TRHDE: variants seen among roughly 807,000 people sequenced by gnomAD.
TRHDE encodes thyrotropin releasing hormone degrading enzyme.
A neutral mutation model predicts 125.7 loss-of-function variants in TRHDE; 72 were observed. The ratio of observed to expected loss-of-function variants is 0.57; its 90% CI spans 0.47 to 0.70. TRHDE has a LOEUF of 0.70. Among genes scored for constraint, TRHDE ranks in the 30% least tolerant of loss-of-function variants. The pLI, the probability that TRHDE is intolerant of heterozygous loss-of-function variation, is 0.00. For synonymous variants in TRHDE, 509 were observed against 509.1 expected (o/e 1.00, Z 0.00); for missense variants, 1,110 against 1,327.1 (o/e 0.84, Z 2.54).
At chr12:72,215,456 G>C (rs1369108554) in intron 2 of TRHDE, among the ~76,000 whole-genome samples, 1 of 152,204 alleles carries the variant, frequency 6.6e-6, no homozygotes, top group African/African-American at 2.4e-5. Context: ...AGGCCTGACA[G>C]TGCACCCTAT....
intron 2 of TRHDE, among the ~76,000 whole-genome samples, chr12:72,330,171 A>C (rs1456180277): frequency 6.6e-6 from 1 of 152,166 alleles, no homozygotes; most frequent in Non-Finnish European, 1.5e-5. Context: ...GGTAACAGGC[A>C]GTGCCCAAAA....
At chr12:72,496,358 C>T (rs1217302802) in intron 5 of TRHDE, among the ~76,000 whole-genome samples, 1 of 152,162 alleles carries the variant, frequency 6.6e-6, no homozygotes, top group African/African-American at 2.4e-5. Flanking sequence ...AATTGACTCA[C>T]AGTTCCACAT....
intron 3 of TRHDE, among the ~76,000 whole-genome samples, chr12:72,405,064 C>A (rs1406574740): frequency 6.6e-6 from 1 of 152,138 alleles, no homozygotes; most frequent in African/African-American, 2.4e-5. Context: ...ATGATTATTT[C>A]TTGAGTGCCT....
At chr12:72,099,156 T>C (rs1014477365) in intron 1 of TRHDE, among the ~76,000 whole-genome samples, 1 of 142,536 alleles carries the variant, frequency 7.0e-6, no homozygotes, top group Non-Finnish European at 1.5e-5. Flanking sequence ...AGAGTGAGAC[T>C]CTGTCAAGAA....
intron 10 of TRHDE, among the ~76,000 whole-genome samples, chr12:72,569,175 G>C (rs1870602312): frequency 6.6e-6 from 1 of 152,162 alleles, no homozygotes; most frequent in Admixed American, 6.5e-5. Context: ...AGCAGAGAGA[G>C]ATGAGATTCT....
At chr12:72,377,641 C>T (rs1004169951) in intron 2 of TRHDE, among the ~76,000 whole-genome samples, 14 of 152,122 alleles carry the variant, frequency 9.2e-5, no homozygotes, top group Non-Finnish European at 1.8e-4. Flanking sequence ...CATATCCTGC[C>T]TACTTTCAGC....
At chr12:72,183,591 G>A (rs551517651) in intron 2 of TRHDE, among the ~76,000 whole-genome samples, 2 of 152,100 alleles carry the variant, frequency 1.3e-5, no homozygotes, top group Non-Finnish European at 2.9e-5. Context: ...CAAAATAGTC[G>A]AATATTGGTA....
intron 2 of TRHDE, among the ~76,000 whole-genome samples, chr12:72,242,656 C>A (rs1024011343): frequency 1.3e-5 from 2 of 152,020 alleles, no homozygotes; most frequent in Non-Finnish European, 2.9e-5. Flanking sequence ...TTTGGGTTGC[C>A]TTGAGATCAG....
chr12:72,210,524 T>C (rs1409222172), intron 2 of TRHDE, among the ~76,000 whole-genome samples: 1 of 152,156 alleles, frequency 6.6e-6, no homozygotes, highest in Non-Finnish European at 1.5e-5. Context: ...TGTTAATGGA[T>C]AATATTTTTA....
At chr12:72,295,809 G>A (rs138532016) in intron 2 of TRHDE, among the ~76,000 whole-genome samples, 1 of 151,336 alleles carries the variant, frequency 6.6e-6, no homozygotes, top group Non-Finnish European at 1.5e-5. Flanking sequence ...TTTAAATCAC[G>A]TTACTAATAG....
chr12:72,574,236 A>G (rs532114639), intron 10 of TRHDE, among the ~76,000 whole-genome samples: 43 of 152,132 alleles, frequency 2.8e-4, no homozygotes, highest in Admixed American at 2.6e-3. Flanking sequence ...AAACTTTGAC[A>G]TTGGAGTAAG....
rs1872175501 is a variant in TRHDE, at chr12:72,600,768, A to G, written c.2322-18123A>G. 2.0e-5 allele frequency among the ~76,000 whole-genome samples: 3 copies of G among 151,976 alleles called. No homozygotes were observed. The South Asian group carries it at 6.2e-4, about 31-fold the overall frequency. Reference sequence around the variant, plus strand: ...GAAATAACAAAGCTTGGATGACAACACATCTATTTACAGAATGGTTTGCTG... The same window carrying G: ...GAAATAACAAAGCTTGGATGACAACGCATCTATTTACAGAATGGTTTGCTG... On this transcript the variant is annotated intron_variant, in intron 12 of 18. Coordinates refer to ENST00000261180, the MANE Select transcript of TRHDE (RefSeq NM_013381.3).
At chr12:72,613,720 A>G (rs1480550011) in intron 12 of TRHDE, among the ~76,000 whole-genome samples, 3 of 152,180 alleles carry the variant, frequency 2.0e-5, no homozygotes, top group Non-Finnish European at 4.4e-5. Flanking sequence ...CCCAGAAAAT[A>G]GGTGCCTAAG....
intron 6 of TRHDE, among the ~76,000 whole-genome samples, chr12:72,519,993 C>A (rs893542167): frequency 3.3e-5 from 5 of 152,208 alleles, no homozygotes; most frequent in South Asian, 2.1e-4. Context: ...AGGCAGTCTG[C>A]CCGTTCTCAG....
intron 2 of TRHDE, among the ~76,000 whole-genome samples, chr12:72,142,692 G>A (rs1876143280): frequency 6.6e-6 from 1 of 152,070 alleles, no homozygotes; most frequent in Non-Finnish European, 1.5e-5. Context: ...CAAACCCCAG[G>A]CTCCAGCAGC....
intron 2 of TRHDE, among the ~76,000 whole-genome samples, chr12:72,306,274 A>G (rs890170981): frequency 1.3e-5 from 2 of 152,208 alleles, no homozygotes; most frequent in African/African-American, 4.8e-5. Context: ...GACAGTGTTC[A>G]TTGATTCATC....
chr12:72,499,565 A>C lies in TRHDE; in HGVS notation c.1652A>C (p.His551Pro). Residue 551 changes from histidine to proline, a missense_variant, in exon 6 of 19, where the codon CAT becomes CCT. By Grantham distance (77) the His-to-Pro change is moderately conservative. Coordinates refer to ENST00000261180, the MANE Select transcript of TRHDE (RefSeq NM_013381.3). ...CTGCTGGACGGTTTGGCCAGTTCCC[A>C]TCCAGTATCACAGGAAGTGCTGCAG... is the stretch of plus-strand genomic sequence containing the variant. ...VMLLDGLASS[H>P]PVSQEVLQAT... 1 of 1,613,922 alleles carries C rather than the reference A, an allele frequency of 6.2e-7. No homozygotes were observed. The highest frequency in any genetic ancestry group is 8.5e-7 in the Non-Finnish European group (1 of 1,179,896).
chr12:72,483,971 A>T (rs1877292550), intron 5 of TRHDE, among the ~76,000 whole-genome samples: 1 of 152,122 alleles, frequency 6.6e-6, no homozygotes, highest in Non-Finnish European at 1.5e-5. Flanking sequence ...TATTTTATAA[A>T]TTAAAATAAC....
chr12:72,569,349 TA>T (rs1870612158), intron 10 of TRHDE, among the ~76,000 whole-genome samples: 1 of 152,238 alleles, frequency 6.6e-6, no homozygotes, highest in South Asian at 2.1e-4. Flanking sequence ...TATCATCTTT[TA>T]TGTAACATTT....
Sources: gnomAD v4.1 joint callset for allele counts (sites outside exome capture counted in the v4.1 genomes callset) on GRCh38, gnomAD v4.1.1 for gene constraint, MANE v1.5 for transcripts, NCBI Gene and HGNC (gene_info 2026-07-23, HGNC 2026-07-21) for gene names.